Variants in TRAPPC8 observed in about 807,000 individuals in gnomAD.
TRAPPC8 encodes the protein trafficking protein particle complex subunit 8.
Under a neutral mutation model 174.3 loss-of-function variants are expected in TRAPPC8, and 54 were observed. That is an observed-to-expected ratio of 0.31 (90% confidence interval 0.25 to 0.39). The LOEUF is 0.39. TRAPPC8 is among the 10% of genes least tolerant of loss of function. The pLI, the probability that TRAPPC8 is intolerant of heterozygous loss-of-function variation, is 1.00. For synonymous variants in TRAPPC8, 630 were observed against 579.9 expected (o/e 1.09, Z -1.24); for missense variants, 1,531 against 1,699.1 (o/e 0.90, Z 1.74).
rs144068957 is a variant in TRAPPC8 at position 31,942,728 on chromosome 18, G to C, written c.37C>G (p.Pro13Ala). The C allele has an allele frequency of 2.5e-6, 4 of 1,604,864 alleles. No individual in the cohort carries two copies. The African/African-American group carries it at 5.4e-5, about 21-fold the overall frequency. ...GCGACACAGGGGACGAAGGAGTCCG[G>C]GATTAGCTCCTGCACTGATTGTACA... ...QCVQSVQELI[P>A]DSFVPCVAAL... Residue 13 changes from proline to alanine, a missense_variant, in exon 1 of 29, where the codon CCG becomes GCG. Transcript: ENST00000283351.
chr18:31,925,522 G>A (rs2037577535), intron 2 of TRAPPC8, among the ~76,000 whole-genome samples: 1 of 152,142 alleles, frequency 6.6e-6, no homozygotes, highest in Admixed American at 6.6e-5. Context: ...GATCAACTCA[G>A]GAAGTTCTAC....
In TRAPPC8 at chr18:31,829,229, T is replaced by C. The variant is rs979680376; in HGVS notation, c.*1526A>G. On this transcript the variant is annotated 3_prime_UTR_variant, in exon 29 of 29. Coordinates refer to ENST00000283351, the MANE Select transcript of TRAPPC8 (RefSeq NM_014939.5). ...TGCTTTATTACCTTTATTTTTAATA[T>C]ATTCAGTTGTAGGTTTATATAGTTT... is the stretch of plus-strand genomic sequence containing the variant. The C allele has an allele frequency of 6.6e-6, 1 of 152,202 alleles. No homozygotes were observed. The highest frequency in any genetic ancestry group is 1.5e-5 in the Non-Finnish European group (1 of 68,036). 9.4% of individuals were successfully genotyped at this position (152,202 alleles called of 1,614,324 possible). A position where few individuals can be genotyped will look rare whatever the true frequency, so the allele number is the denominator to read the frequency against.
rs551617739 is a variant in TRAPPC8, at chr18:31,838,041, C to G, written c.3983+1271G>C. On this transcript the variant is annotated intron_variant, in intron 27 of 28. Transcript: ENST00000283351. ...CTAGAGTGCAATGGTGCAAACATAGCTGACCGTAGCCTCAAACTAATGGGC... is the reference window on the plus strand; with the variant it reads ...CTAGAGTGCAATGGTGCAAACATAGGTGACCGTAGCCTCAAACTAATGGGC... Among the ~76,000 whole-genome samples the G allele has an allele frequency of 1.4e-3, 217 of 151,812 alleles. 1 individual carries two copies. The highest frequency in any genetic ancestry group is 5.1e-3 in the African/African-American group (212 of 41,396).
intron 24 of TRAPPC8, among the ~76,000 whole-genome samples, chr18:31,851,865 A>G (rs2033720996): frequency 1.3e-5 from 2 of 151,978 alleles, no homozygotes; most frequent in South Asian, 4.1e-4. Flanking sequence ...TCCCTCATAT[A>G]ATCTTGCTTT....
intron 26 of TRAPPC8, among the ~76,000 whole-genome samples, 171 bp from the exon 27 acceptor site, chr18:31,839,628 G>A (rs987882762): frequency 1.3e-5 from 2 of 152,050 alleles, no homozygotes; most frequent in African/African-American, 4.8e-5. Context: ...TGTAATCTAA[G>A]ATAAAAAAAT....
chr18:31,911,108 T>C (rs2036884773), intron 5 of TRAPPC8, among the ~76,000 whole-genome samples: 1 of 152,206 alleles, frequency 6.6e-6, no homozygotes, highest in Non-Finnish European at 1.5e-5. Context: ...GATTAAACAA[T>C]ACTTATATCA....
At chr18:31,853,171 G>A (rs745820278) in intron 22 of TRAPPC8, among the ~76,000 whole-genome samples, 12 of 152,156 alleles carry the variant, frequency 7.9e-5, no homozygotes, top group Non-Finnish European at 1.5e-4. Flanking sequence ...CAGTCAGTAC[G>A]TAGGTATGGC....
In TRAPPC8 at chr18:31,864,656, T is replaced by C. The variant is rs761534463; in HGVS notation, c.2716A>G (p.Ile906Val). 6.2e-7 allele frequency: 1 copy of C among 1,612,708 alleles called. No individual in the cohort carries two copies. The highest frequency in any genetic ancestry group is 1.1e-5 in the South Asian group (1 of 90,782). The part of the protein sequence containing the change: ...KYGPDRRLDP[I>V]ITEEMPLLEV... The stretch of plus-strand genomic sequence containing the variant: ...AACAGTGGCATTTCTTCTGTGATTA[T>C]GGGATCTAAACGTCGATCAGGGCCA... The change falls in exon 19 of 29, where the codon ATA becomes GTA. Residue 906 changes from isoleucine to valine, a missense_variant. By Grantham distance (29) the Ile-to-Val change is conservative (BLOSUM62 3). Coordinates refer to ENST00000283351, the MANE Select transcript of TRAPPC8 (RefSeq NM_014939.5).
At chr18:31,924,285 C>CA (rs199557108) in intron 2 of TRAPPC8, among the ~76,000 whole-genome samples, 13,767 of 138,996 alleles carry the variant, frequency 0.099, 836 homozygotes, top group East Asian at 0.33. Flanking sequence ...GAATCCGTCT[C>CA]AAAAAAAAAA....
intron 2 of TRAPPC8, among the ~76,000 whole-genome samples, chr18:31,920,538 T>A (rs2037338244): frequency 3.9e-5 from 6 of 152,090 alleles, no homozygotes; most frequent in Admixed American, 3.9e-4. Flanking sequence ...CAGTGGCTCA[T>A]GCCTGTAATC....
At chr18:31,851,906 C>T (rs1256950035) in intron 24 of TRAPPC8, among the ~76,000 whole-genome samples, 1 of 152,120 alleles carries the variant, frequency 6.6e-6, no homozygotes, top group Non-Finnish European at 1.5e-5. Context: ...ACTATACTTA[C>T]TTCATACGAT....
At chr18:31,841,179 A>G (rs1232919806) in intron 26 of TRAPPC8, among the ~76,000 whole-genome samples, 2 of 152,148 alleles carry the variant, frequency 1.3e-5, no homozygotes, top group African/African-American at 2.4e-5. Context: ...AGCATGGAAC[A>G]TTTCTGGAAT....
chr18:31,882,287 T>C (rs1002593962), intron 12 of TRAPPC8, among the ~76,000 whole-genome samples: 5 of 152,108 alleles, frequency 3.3e-5, no homozygotes, highest in Non-Finnish European at 7.4e-5. Context: ...AAAAGAATGG[T>C]ATCATATCCT....
At position 31,917,839 on chromosome 18, in the gene TRAPPC8, T is replaced by C. The variant is rs780877423; in HGVS notation, c.353-172A>G. On this transcript the variant is annotated intron_variant, in intron 2 of 28. Transcript: ENST00000283351. ...CATGTGTGTATATATAAAATGTGTATAGGGCCTGGCACGGTGGCTCAGGCC... is the reference window on the plus strand; with the variant it reads ...CATGTGTGTATATATAAAATGTGTACAGGGCCTGGCACGGTGGCTCAGGCC... 2.6e-5 allele frequency among the ~76,000 whole-genome samples: 4 copies of C among 152,154 alleles called. No homozygotes were observed. The South Asian group carries it at 6.2e-4, about 24-fold the overall frequency.
At chr18:31,908,122 C>A (rs928881300) in intron 8 of TRAPPC8, among the ~76,000 whole-genome samples, 181 bp downstream of exon 8, 24 of 152,088 alleles carry the variant, frequency 1.6e-4, no homozygotes, top group African/African-American at 5.8e-4. Flanking sequence ...TTTAGATGTC[C>A]AATTACTTAG....
chr18:31,916,469 T>A, intron 3 of TRAPPC8, 23 bp from the exon 4 acceptor site: 1 of 1,585,030 alleles, frequency 6.3e-7, no homozygotes, highest in Non-Finnish European at 8.6e-7. Context: ...ATTATTAAGG[T>A]AATTATCGCT....
chr18:31,920,399 A>C (rs1282626667), intron 2 of TRAPPC8, among the ~76,000 whole-genome samples: 3 of 152,202 alleles, frequency 2.0e-5, no homozygotes, highest in Non-Finnish European at 4.4e-5. Flanking sequence ...TGGACAACAG[A>C]TGTCTCATGA....
At chr18:31,852,837 A>C (rs1036063464) in intron 22 of TRAPPC8, 174 bp from the exon 23 acceptor site, 3 of 604,696 alleles carry the variant, frequency 5.0e-6, no homozygotes, top group Non-Finnish European at 8.6e-6. Context: ...AAAAAGGATA[A>C]ATTTCAATTT....
chr18:31,928,544 TAAAAG>T (rs2037722664), intron 2 of TRAPPC8, among the ~76,000 whole-genome samples: 1 of 151,608 alleles, frequency 6.6e-6, no homozygotes, highest in Non-Finnish European at 1.5e-5. Context: ...GAAAAAAAAA[TAAAAG>T]AAATAAATAT....
Sources: gnomAD v4.1 joint callset for allele counts (sites outside exome capture counted in the v4.1 genomes callset) on GRCh38, gnomAD v4.1.1 for gene constraint, MANE v1.5 for transcripts, NCBI Gene and HGNC (gene_info 2026-07-23, HGNC 2026-07-21) for gene names.